The following MACROD2 variants were observed in gnomAD, a reference collection of about 807,000 sequenced individuals.
MACROD2 encodes mono-ADP ribosylhydrolase 2, also known as ADP-ribose glycohydrolase MACROD2.
MACROD2 carries 36 observed loss-of-function variants against 70.4 expected under a neutral mutation model. That is an observed-to-expected ratio of 0.51 (90% CI 0.39 to 0.68). The LOEUF (loss-of-function observed/expected upper bound fraction) is 0.68. Among genes scored for constraint, MACROD2 ranks in the 30% least tolerant of loss-of-function variants. The pLI is 0.00. For synonymous variants in MACROD2, 172 were observed against 178.8 expected, an observed-to-expected ratio of 0.96 and a Z score of 0.30; for missense variants, 496 against 538.4, an observed-to-expected ratio of 0.92 and a Z score of 0.78.
At chr20:14,677,637 G>A (rs990077364) in intron 4 of MACROD2, among the ~76,000 whole-genome samples, 4 of 152,132 alleles carry the variant, frequency 2.6e-5, no homozygotes, top group Admixed American at 6.6e-5. Context: ...CAGTCCTGAC[G>A]AAGAGCAGCC....
chr20:14,960,075 A>G (rs1384031614), intron 5 of MACROD2, among the ~76,000 whole-genome samples: 2 of 152,182 alleles, frequency 1.3e-5, no homozygotes, highest in South Asian at 2.1e-4. Context: ...AGAGAATCCC[A>G]GAAGGGGTCA....
intron 4 of MACROD2, among the ~76,000 whole-genome samples, chr20:14,537,508 A>G (rs927748164): frequency 6.6e-6 from 1 of 152,158 alleles, no homozygotes; most frequent in Non-Finnish European, 1.5e-5. Flanking sequence ...TGCCCTAAAC[A>G]TGGACTGAGC....
At chr20:14,768,471 T>C (rs1425703958) in intron 5 of MACROD2, among the ~76,000 whole-genome samples, 1 of 152,096 alleles carries the variant, frequency 6.6e-6, no homozygotes, top group Non-Finnish European at 1.5e-5. Context: ...CAGCCAGATA[T>C]GAACCTTTCC....
chr20:15,818,385 T>G (rs113918969), intron 8 of MACROD2, among the ~76,000 whole-genome samples: 1 of 152,192 alleles, frequency 6.6e-6, no homozygotes, highest in African/African-American at 2.4e-5. Flanking sequence ...CTCCCCCTTT[T>G]AGACCATCTA....
At position 14,753,314 on chromosome 20, in the gene MACROD2, G is replaced by C. The variant is rs6105317; in HGVS notation, c.418+68355G>C. On this transcript the variant is annotated intron_variant, in intron 5 of 17. Transcript: ENST00000684519. ...GCCCTCTGGACTGCAAGCTTGAGAA[G>C]ACCAAGTTTCATGTCAGCTTTTGAT... is the stretch of plus-strand genomic sequence containing the variant. 9.6e-3 allele frequency among the ~76,000 whole-genome samples: 1,463 copies of C among 152,148 alleles called. 26 individuals are homozygous for C. The highest frequency in any genetic ancestry group is 0.033 in the African/African-American group (1,384 of 41,482).
intron 5 of MACROD2, among the ~76,000 whole-genome samples, chr20:15,151,313 G>A (rs1458561283): frequency 1.3e-5 from 2 of 152,086 alleles, no homozygotes; most frequent in Non-Finnish European, 2.9e-5. Context: ...GGGGGAGGAG[G>A]TTCTGGAGGA....
intron 5 of MACROD2, among the ~76,000 whole-genome samples, chr20:14,830,522 A>G (rs766048832): frequency 6.6e-6 from 1 of 152,084 alleles, no homozygotes; most frequent in Non-Finnish European, 1.5e-5. Context: ...TTTCTATTTC[A>G]TTTTCTCAAA....
At chr20:14,566,529 T>A (rs1054737468) in intron 4 of MACROD2, 8 of 152,024 alleles carry the variant, frequency 5.3e-5, no homozygotes, top group Admixed American at 5.2e-4. Context: ...TGCAACAATT[T>A]ACACTAAAGC....
intron 4 of MACROD2, among the ~76,000 whole-genome samples, chr20:14,634,033 C>T (rs531651289): frequency 5.9e-5 from 9 of 152,212 alleles, no homozygotes; most frequent in Non-Finnish European, 1.2e-4. Flanking sequence ...ATGCTCTCCT[C>T]ACCTGACACT....
At chr20:14,677,465 T>C (rs2070875760) in intron 4 of MACROD2, among the ~76,000 whole-genome samples, 1 of 152,206 alleles carries the variant, frequency 6.6e-6, no homozygotes. Context: ...AATTTAGCCT[T>C]TGCTAGATAA....
chr20:14,084,378 GTGAA>G (rs1162387869), intron 2 of MACROD2, among the ~76,000 whole-genome samples: 2 of 152,104 alleles, frequency 1.3e-5, no homozygotes, highest in African/African-American at 4.8e-5. Context: ...GAGTGTCTCA[GTGAA>G]TGAATAACAG....
chr20:15,536,130 ATT>A, intron 8 of MACROD2, among the ~76,000 whole-genome samples: 1 of 152,154 alleles, frequency 6.6e-6, no homozygotes, highest in Non-Finnish European at 1.5e-5. Context: ...AGCACTTCTG[ATT>A]TCCAGAGGCT....
At chr20:14,661,044 C>A (rs149306420) in intron 4 of MACROD2, among the ~76,000 whole-genome samples, 167 of 152,092 alleles carry the variant, frequency 1.1e-3, no homozygotes, top group African/African-American at 3.9e-3. Flanking sequence ...GAGAACAATT[C>A]ATTTTCCTGT....
chr20:14,650,869 A>G (rs755003695), intron 4 of MACROD2, among the ~76,000 whole-genome samples: 3 of 152,240 alleles, frequency 2.0e-5, no homozygotes, highest in Non-Finnish European at 4.4e-5. Flanking sequence ...CATTTGGTCT[A>G]TGATAAGCAT....
chr20:14,464,227 A>T (rs901355981), intron 3 of MACROD2, among the ~76,000 whole-genome samples: 1 of 151,996 alleles, frequency 6.6e-6, no homozygotes, highest in African/African-American at 2.4e-5. Flanking sequence ...TTATTGGTCT[A>T]TTCAGAGATT....
intron 15 of MACROD2, among the ~76,000 whole-genome samples, chr20:15,988,013 C>T (rs950367034): frequency 3.3e-5 from 5 of 152,142 alleles, no homozygotes. Context: ...CAAATTAAAA[C>T]TCAGACATGA....
chr20:14,661,874 T>G (rs895293885), intron 4 of MACROD2, among the ~76,000 whole-genome samples: 3 of 152,106 alleles, frequency 2.0e-5, no homozygotes, highest in Admixed American at 6.6e-5. Context: ...AAGTGACTAC[T>G]TCTACTGGTC....
chr20:15,952,733 G>A (rs903007091), intron 12 of MACROD2, among the ~76,000 whole-genome samples: 1 of 152,102 alleles, frequency 6.6e-6, no homozygotes, highest in African/African-American at 2.4e-5. Context: ...GAACACATTA[G>A]TTGAAGAGCT....
intron 3 of MACROD2, among the ~76,000 whole-genome samples, chr20:14,489,857 CTTCT>C (rs2084774733): frequency 7.4e-6 from 1 of 134,640 alleles, no homozygotes; most frequent in Non-Finnish European, 1.6e-5. Flanking sequence ...ATTTGAAATA[CTTCT>C]TTTTTTTTTT....
Sources: allele counts gnomAD v4.1 joint callset (sites outside exome capture counted in the v4.1 genomes callset), GRCh38; gene constraint gnomAD v4.1.1; transcripts MANE v1.5; gene names NCBI Gene and HGNC (gene_info 2026-07-23, HGNC 2026-07-21).